Variants in RASGRP1 observed in about 807,000 individuals in gnomAD.
The protein encoded by RASGRP1 is RAS guanyl releasing protein 1, also known as RAS guanyl-releasing protein 1.
Under a neutral mutation model 95.1 loss-of-function variants are expected in RASGRP1, and 37 were observed. The ratio of observed to expected loss-of-function variants is 0.39; its 90% CI spans 0.30 to 0.51. The LOEUF (loss-of-function observed/expected upper bound fraction) is 0.51. RASGRP1 is among the 20% of genes least tolerant of loss of function. The pLI, the probability that RASGRP1 is intolerant of heterozygous loss-of-function variation, is 0.80. For synonymous variants in RASGRP1, 325 were observed against 353.4 expected (o/e 0.92, Z 0.90); for missense variants, 711 against 965.4 (o/e 0.74, Z 3.49).
rs1201505350 is a variant in RASGRP1 at position 38,489,824 on chromosome 15, T to G, written c.*730A>C. 1 of 152,020 alleles carries G rather than the reference T, an allele frequency of 6.6e-6. No homozygotes were observed. Among genetic ancestry groups the G allele is most frequent in the Non-Finnish European group, 1.5e-5 (1 of 67,908 alleles). 9.4% of individuals were successfully genotyped at this position (152,020 alleles called of 1,614,324 possible). On this transcript the variant is annotated 3_prime_UTR_variant, in exon 17 of 17. Coordinates refer to ENST00000310803, the MANE Select transcript of RASGRP1 (RefSeq NM_005739.4). ...TATGTTTATTTTAATTAGACAGTAA[T>G]ATGAGATGGTAATAGCTATGTTTCC...
At chr15:38,527,521 C>G (rs1892268549) in intron 2 of RASGRP1, among the ~76,000 whole-genome samples, 1 of 152,162 alleles carries the variant, frequency 6.6e-6, no homozygotes, top group South Asian at 2.1e-4. Flanking sequence ...CTTAATTCCA[C>G]TCTCATCTCT....
At chr15:38,530,805 A>C (rs1045026587) in intron 2 of RASGRP1, among the ~76,000 whole-genome samples, 1 of 152,236 alleles carries the variant, frequency 6.6e-6, no homozygotes. Flanking sequence ...CCAGGAACTA[A>C]AGGGTTTACC....
At chr15:38,495,402 GA>G (rs1404740685) in intron 15 of RASGRP1, among the ~76,000 whole-genome samples, 2 of 152,166 alleles carry the variant, frequency 1.3e-5, no homozygotes, top group African/African-American at 4.8e-5. Flanking sequence ...TAATTTCCTG[GA>G]AAAGTAAAGT....
intron 2 of RASGRP1, among the ~76,000 whole-genome samples, chr15:38,543,561 CT>C (rs1312763434): frequency 0.044 from 2,699 of 60,680 alleles, 55 homozygotes; most frequent in African/African-American, 0.12. Flanking sequence ...AAACTCTAGT[CT>C]TTTTTTTTTT....
chr15:38,549,904 G>A (rs547894040), intron 2 of RASGRP1, among the ~76,000 whole-genome samples: 3 of 152,156 alleles, frequency 2.0e-5, no homozygotes, highest in African/African-American at 7.2e-5. Flanking sequence ...AATCACAGAT[G>A]TACCAAATCT....
In RASGRP1 at chr15:38,526,243, G is replaced by T. The variant is rs539203603; in HGVS notation, c.326+56C>A. On this transcript the variant is annotated intron_variant, in intron 3 of 16. Transcript: ENST00000310803. ...AATAAAAGCATACTTCAAATTTCAA[G>T]CTACTTTTTGGGTGGATCCCATTTT... The T allele has an allele frequency of 3.7e-6, 5 of 1,359,568 alleles. No homozygotes were observed. In the Admixed American group the frequency reaches 6.8e-5, roughly 19 times the overall value. 84.2% of individuals were successfully genotyped at this position (1,359,568 alleles called of 1,614,324 possible).
At chr15:38,541,220 C>G (rs1287557127) in intron 2 of RASGRP1, among the ~76,000 whole-genome samples, 1 of 152,182 alleles carries the variant, frequency 6.6e-6, no homozygotes, top group East Asian at 1.9e-4. Context: ...ATCCACTTTA[C>G]CGACAATAAA....
intron 3 of RASGRP1, among the ~76,000 whole-genome samples, chr15:38,525,995 ATATC>A (rs1892204555): frequency 1.3e-5 from 2 of 152,162 alleles, no homozygotes; most frequent in South Asian, 4.1e-4. Context: ...CACAGGATGA[ATATC>A]TATTTTGCAC....
chr15:38,539,360 T>C (rs1466216549), intron 2 of RASGRP1, among the ~76,000 whole-genome samples: 1 of 152,138 alleles, frequency 6.6e-6, no homozygotes, highest in African/African-American at 2.4e-5. Flanking sequence ...CTCTCAATAT[T>C]TACTACAATT....
chr15:38,503,390 T>C lies in RASGRP1; in HGVS notation c.1324-14A>G. ...AGGTGTTAGTGGCTAAAATGAAATA[T>C]TTAGAGAAATCCTCATGACTACAAT... On this transcript the variant is annotated splice_polypyrimidine_tract_variant and intron_variant, in intron 10 of 16. Coordinates refer to ENST00000310803, the MANE Select transcript of RASGRP1 (RefSeq NM_005739.4). 1.3e-6 allele frequency: 2 copies of C among 1,550,506 alleles called. No homozygotes were observed. Among genetic ancestry groups the C allele is most frequent in the Non-Finnish European group, 8.9e-7 (1 of 1,129,846 alleles).
intron 2 of RASGRP1, among the ~76,000 whole-genome samples, chr15:38,544,212 G>A (rs956739171): frequency 1.3e-5 from 2 of 152,118 alleles, no homozygotes; most frequent in Non-Finnish European, 2.9e-5. Flanking sequence ...GGTTGGAACT[G>A]CGTTATTTCC....
intron 2 of RASGRP1, among the ~76,000 whole-genome samples, chr15:38,553,410 T>G (rs1893416293): frequency 6.6e-6 from 1 of 152,212 alleles, no homozygotes; most frequent in Non-Finnish European, 1.5e-5. Flanking sequence ...ATCACAGATT[T>G]CATAAACTTC....
chr15:38,522,330 C>T (rs1298696062), intron 3 of RASGRP1, among the ~76,000 whole-genome samples: 3 of 152,162 alleles, frequency 2.0e-5, no homozygotes, highest in Non-Finnish European at 4.4e-5. Context: ...TAGACACAAA[C>T]GTTCTGTACT....
At chr15:38,526,447 A>C in intron 2 of RASGRP1, 43 bp from the exon 3 acceptor site, 1 of 1,497,038 alleles carries the variant, frequency 6.7e-7, no homozygotes, top group African/African-American at 1.4e-5. Context: ...CCCTGGAGGG[A>C]AACTAGTCAC....
Position 38,490,646 on chromosome 15 carries a change from G to A in RASGRP1, c.2302C>T (p.Gln768Ter). ...LKADNDALKI[Q>*]LKYAQKKIES... ...ATTTTCTTCTGTGCATATTTCAGTT[G>A]GATCTTTAGGGCATCATTATCTGCT... Residue 768 changes from glutamine (Q) to a stop codon, truncating the protein, a stop_gained, in exon 17 of 17, where the codon CAA (glutamine) becomes TAA (stop). Transcript: ENST00000310803. LOFTEE classifies it high-confidence loss of function. 6.2e-7 allele frequency: 1 copy of A among 1,611,958 alleles called. No homozygotes were observed. Among genetic ancestry groups the A allele is most frequent in the Non-Finnish European group, 8.5e-7 (1 of 1,178,544 alleles).
At chr15:38,558,507 G>C (rs923349942) in intron 2 of RASGRP1, among the ~76,000 whole-genome samples, 1 of 152,142 alleles carries the variant, frequency 6.6e-6, no homozygotes, top group African/African-American at 2.4e-5. Context: ...GCAATGATTC[G>C]CGAAGTGCGC....
chr15:38,560,217 A>G (rs1291728708), intron 1 of RASGRP1: 1 of 576,732 alleles, frequency 1.7e-6, no homozygotes, highest in African/African-American at 1.9e-5. Flanking sequence ...GGTTGCAACT[A>G]GTGCTCTTCA....
At chr15:38,532,892 G>A (rs1022514237) in intron 2 of RASGRP1, among the ~76,000 whole-genome samples, 5 of 151,756 alleles carry the variant, frequency 3.3e-5, no homozygotes, top group Non-Finnish European at 5.9e-5. Flanking sequence ...TCAGAGTCTC[G>A]TGAGAGAAAA....
intron 2 of RASGRP1, among the ~76,000 whole-genome samples, chr15:38,537,225 G>C (rs1353223817): frequency 6.6e-6 from 1 of 152,130 alleles, no homozygotes; most frequent in Non-Finnish European, 1.5e-5. Flanking sequence ...GGCTGTGTTA[G>C]TCCATTCTTG....
Sources: gnomAD v4.1 joint callset for allele counts (sites outside exome capture counted in the v4.1 genomes callset) on GRCh38, gnomAD v4.1.1 for gene constraint, MANE v1.5 for transcripts, NCBI Gene and HGNC (gene_info 2026-07-23, HGNC 2026-07-21) for gene names.